The following RYR2 variants were observed in gnomAD, a reference collection of about 807,000 sequenced individuals.
The protein encoded by RYR2 is cardiac muscle ryanodine receptor-calcium release channel.
In RYR2, 227 loss-of-function variants were observed where a neutral mutation model predicts 601.1. That is an observed-to-expected ratio of 0.38 (90% CI 0.34 to 0.42). The LOEUF is 0.42. Ranked by LOEUF, RYR2 falls within the 10% of genes least tolerant of loss-of-function variation. RYR2 has a pLI of 1.00. For synonymous variants in RYR2, 2,223 were observed against 2,175.1 expected (o/e 1.02, Z -0.61); for missense variants, 4,646 against 6,156.5 (o/e 0.75, Z 8.21).
chr1:237,315,775 A>G (rs909824882), intron 2 of RYR2, among the ~76,000 whole-genome samples: 1 of 152,234 alleles, frequency 6.6e-6, no homozygotes, highest in African/African-American at 2.4e-5. Flanking sequence ...GATGGTAGAA[A>G]TTGGACAAAG....
chr1:237,593,922 G>A (rs183437059), intron 33 of RYR2, among the ~76,000 whole-genome samples: 37 of 152,248 alleles, frequency 2.4e-4, no homozygotes, highest in Middle Eastern at 6.8e-3. Context: ...CCAATACTTA[G>A]CCTTTGTTTT....
chr1:237,654,343 G>A lies in RYR2; in HGVS notation c.7894G>A (p.Ala2632Thr), dbSNP rs1339168495. Residue 2632 changes from alanine (A) to threonine (T), a missense_variant, in exon 52 of 105, where the codon GCT (alanine) becomes ACT (threonine). This residue lies in a region of RYR2 where 1,497 missense variants were observed against 1,842.6 expected (regional missense o/e 0.81). Coordinates refer to ENST00000366574, the MANE Select transcript of RYR2 (RefSeq NM_001035.3). ...CLPGGWGNFGAASEEELHLSR... is the reference protein window; with the variant it reads ...CLPGGWGNFGTASEEELHLSR... Reference sequence around the variant, plus strand: ...GCCTGGAGGGTGGGGAAACTTTGGTGCTGCCTCAGAAGAAGAACTTCATTT... The same window carrying A: ...GCCTGGAGGGTGGGGAAACTTTGGTACTGCCTCAGAAGAAGAACTTCATTT... The A allele has an allele frequency of 1.2e-6, 2 of 1,613,828 alleles. No individual in the cohort carries two copies. The highest frequency in any genetic ancestry group is 1.3e-5 in the African/African-American group (1 of 74,934).
intron 60 of RYR2, among the ~76,000 whole-genome samples, chr1:237,676,823 A>G (rs1348795000): frequency 6.6e-6 from 1 of 152,090 alleles, no homozygotes; most frequent in African/African-American, 2.4e-5. Context: ...CACATTTTGC[A>G]CAGAAGCATT....
chr1:237,747,473 TC>T (rs1558334407), intron 80 of RYR2, among the ~76,000 whole-genome samples: 1 of 152,166 alleles, frequency 6.6e-6, no homozygotes, highest in Admixed American at 6.6e-5. Flanking sequence ...CCAGCTCGTA[TC>T]CCACAGTATG....
intron 1 of RYR2, among the ~76,000 whole-genome samples, chr1:237,223,190 A>G (rs139699414): frequency 4.6e-5 from 7 of 152,350 alleles, no homozygotes; most frequent in Admixed American, 2.6e-4. Flanking sequence ...AGAATACCAA[A>G]TGGAAAGAAC....
intron 27 of RYR2, among the ~76,000 whole-genome samples, chr1:237,565,203 CTTTCTTTCTTTCTT>C (rs1298522930): frequency 3.1e-4 from 31 of 100,262 alleles, no homozygotes; most frequent in African/African-American, 1.2e-3. Context: ...TTCTTTCTTT[CTTTCTTTCTTTCTT>C]TCTTTCTTTT....
chr1:237,048,213 T>C (rs1298482276), intron 1 of RYR2, among the ~76,000 whole-genome samples: 1 of 152,202 alleles, frequency 6.6e-6, no homozygotes. Flanking sequence ...GAGGCCGGAA[T>C]CCACCAGCAC....
At chr1:237,280,907 C>T (rs559173580) in intron 2 of RYR2, among the ~76,000 whole-genome samples, 54 of 152,020 alleles carry the variant, frequency 3.6e-4, no homozygotes, top group African/African-American at 1.0e-3. Context: ...GCCTCAGCCT[C>T]CTGAGTAGCT....
chr1:237,828,502 C>A, intron 102 of RYR2, 57 bp downstream of exon 102: 1 of 1,136,334 alleles, frequency 8.8e-7, no homozygotes, highest in Non-Finnish European at 1.3e-6. Context: ...TCGTTTTCCT[C>A]ACTACCTTTA....
chr1:237,680,300 G>A (rs1685756595), intron 61 of RYR2, among the ~76,000 whole-genome samples, 156 bp from the exon 62 acceptor site: 1 of 152,184 alleles, frequency 6.6e-6, no homozygotes. Flanking sequence ...AGACGGTAGA[G>A]TGAGATTTAA....
At chr1:237,286,802 A>G (rs1691626038) in intron 2 of RYR2, among the ~76,000 whole-genome samples, 1 of 151,978 alleles carries the variant, frequency 6.6e-6, no homozygotes, top group Admixed American at 6.6e-5. Context: ...TTTACATTCA[A>G]TGTTAGTATT....
chr1:237,209,997 CACA>C (rs1206623843), intron 1 of RYR2, among the ~76,000 whole-genome samples: 2 of 152,064 alleles, frequency 1.3e-5, no homozygotes, highest in African/African-American at 2.4e-5. Context: ...ATTTGGAGAA[CACA>C]ACAATACAGA....
intron 100 of RYR2, among the ~76,000 whole-genome samples, chr1:237,809,674 C>T (rs1172712304): frequency 6.6e-6 from 1 of 152,072 alleles, no homozygotes; most frequent in Admixed American, 6.6e-5. Context: ...CAGTAAGCTC[C>T]TCACGAAAAT....
intron 6 of RYR2, among the ~76,000 whole-genome samples, chr1:237,374,311 A>T (rs1311583762): frequency 6.6e-6 from 1 of 151,844 alleles, no homozygotes; most frequent in Non-Finnish European, 1.5e-5. Context: ...GCTTGAGTTT[A>T]GGAGTTTGAG....
intron 10 of RYR2, among the ~76,000 whole-genome samples, chr1:237,405,985 T>C (rs1016225555): frequency 1.3e-5 from 2 of 151,578 alleles, no homozygotes; most frequent in Non-Finnish European, 2.9e-5. Flanking sequence ...TACTTCATGA[T>C]TCTGCAGCCT....
chr1:237,654,461 G>C (rs767088411), intron 52 of RYR2, 47 bp downstream of exon 52: 6 of 1,579,892 alleles, frequency 3.8e-6, no homozygotes, highest in Non-Finnish European at 4.3e-6. Context: ...AAATGGTATA[G>C]AGCCACACAT....
chr1:237,693,102 A>G (rs1687091887), intron 63 of RYR2, among the ~76,000 whole-genome samples: 1 of 152,200 alleles, frequency 6.6e-6, no homozygotes, highest in South Asian at 2.1e-4. Context: ...AGAACGTGGA[A>G]ATTTTCTTAC....
chr1:237,534,975 G>A (rs933372768), intron 25 of RYR2, among the ~76,000 whole-genome samples: 1 of 150,354 alleles, frequency 6.7e-6, no homozygotes, highest in Non-Finnish European at 1.5e-5. Flanking sequence ...TTTATTTTGT[G>A]AGAACACTTA....
chr1:237,656,098 T>C, intron 53 of RYR2, 114 bp downstream of exon 53: 1 of 846,258 alleles, frequency 1.2e-6, no homozygotes, highest in South Asian at 2.0e-5. Context: ...TGAATTGGTA[T>C]CCTTTTAATA....
Sources: gnomAD v4.1 joint callset for allele counts (sites outside exome capture counted in the v4.1 genomes callset) on GRCh38, gnomAD v4.1.1 for gene constraint, gnomAD v4.1.1 regional missense constraint, MANE v1.5 for transcripts, NCBI Gene and HGNC (gene_info 2026-07-23, HGNC 2026-07-21) for gene names.